PRR11: variants seen among roughly 807,000 people sequenced by gnomAD.
PRR11 encodes the protein proline-rich protein 11.
In PRR11, 30 loss-of-function variants were observed where a neutral mutation model predicts 45.6. The observed-to-expected ratio is 0.66, with a 90% confidence interval of 0.49 to 0.89. PRR11 has a LOEUF of 0.89. PRR11 is among the 40% of genes least tolerant of loss of function. The probability of loss-of-function intolerance (pLI) is 0.00; values close to 1 mark genes in which losing one functional copy is unlikely to be tolerated. For missense variants in PRR11, 373 were observed against 424.8 expected, an observed-to-expected ratio of 0.88 and a Z score of 1.07; for synonymous variants, 128 against 153.5, an observed-to-expected ratio of 0.83 and a Z score of 1.23.
intron 1 of PRR11, among the ~76,000 whole-genome samples, chr17:59,157,439 C>G (rs905023170): frequency 6.6e-6 from 1 of 152,222 alleles, no homozygotes; most frequent in Non-Finnish European, 1.5e-5. Context: ...TGGTGCCTCA[C>G]ACCTGTAATC....
At chr17:59,187,323 C>T (rs2046818953) in intron 4 of PRR11, among the ~76,000 whole-genome samples, 1 of 152,100 alleles carries the variant, frequency 6.6e-6, no homozygotes, top group Admixed American at 6.5e-5. Context: ...CCTGTAATCC[C>T]ACCACTTTGG....
At chr17:59,159,888 A>G (rs1262378002) in intron 1 of PRR11, among the ~76,000 whole-genome samples, 2 of 152,194 alleles carry the variant, frequency 1.3e-5, no homozygotes, top group East Asian at 3.8e-4. Context: ...TTATTTCTCC[A>G]TTAATATCAT....
At chr17:59,191,370 C>G (rs1375740896) in intron 4 of PRR11, among the ~76,000 whole-genome samples, 2 of 151,964 alleles carry the variant, frequency 1.3e-5, no homozygotes, top group African/African-American at 4.8e-5. Flanking sequence ...AGGTGCCCAC[C>G]ACCACGCCTC....
chr17:59,184,850 GTTTTTTT>G (rs5821252), intron 2 of PRR11, among the ~76,000 whole-genome samples, 197 bp from the exon 3 acceptor site: 1 of 72,706 alleles, frequency 1.4e-5, no homozygotes, highest in East Asian at 4.1e-4. Context: ...GCCTGATTAA[GTTTTTTT>G]TTTTTTTTTT....
Position 59,166,206 on chromosome 17 carries a change from G to A in PRR11, c.-5-3542G>A, listed in dbSNP as rs544181998. On this transcript the variant is annotated intron_variant, in intron 1 of 9. Transcript: ENST00000262293. ...AGTGCTGCATACCAAGTGCTGAAAG[G>A]TTACTGAGTGAACAAAAGTGGAATG... Among the ~76,000 whole-genome samples, 20 of 152,276 alleles carry A rather than the reference G, an allele frequency of 1.3e-4. No individual in the cohort carries two copies. In the South Asian group the frequency reaches 3.3e-3, roughly 25 times the overall value.
intron 1 of PRR11, among the ~76,000 whole-genome samples, chr17:59,157,702 C>A (rs76971118): frequency 1.3e-5 from 2 of 150,866 alleles, no homozygotes; most frequent in South Asian, 4.2e-4. Context: ...ACTCTGTCCA[C>A]CCCCCCAAAA....
intron 9 of PRR11, among the ~76,000 whole-genome samples, chr17:59,201,256 C>T (rs1000609564): frequency 3.3e-5 from 5 of 152,216 alleles, no homozygotes; most frequent in Non-Finnish European, 4.4e-5. Flanking sequence ...CATATAATCA[C>T]TGTTCTTCCA....
intron 1 of PRR11, among the ~76,000 whole-genome samples, chr17:59,163,071 T>C (rs141648244): frequency 4.1e-4 from 62 of 151,612 alleles, no homozygotes; most frequent in African/African-American, 1.4e-3. Flanking sequence ...TCATCATTTT[T>C]GGTTAAATAA....
At chr17:59,197,074 C>T (rs998697765) in intron 7 of PRR11, among the ~76,000 whole-genome samples, 3 of 151,416 alleles carry the variant, frequency 2.0e-5, no homozygotes, top group African/African-American at 7.3e-5. Context: ...GTCATGAACT[C>T]CTGACCTCGT....
intron 7 of PRR11, 70 bp from the exon 8 acceptor site, chr17:59,197,474 A>G: frequency 7.3e-7 from 1 of 1,364,484 alleles, no homozygotes; most frequent in Non-Finnish European, 1.0e-6. Flanking sequence ...GATGGTCTTG[A>G]TCTCCTGACC....
intron 3 of PRR11, 28 bp from the exon 4 acceptor site, chr17:59,185,412 A>T: frequency 6.3e-7 from 1 of 1,586,448 alleles, no homozygotes; most frequent in East Asian, 2.2e-5. Flanking sequence ...TACTCATAGG[A>T]CTCAGAATTG....
chr17:59,179,460 A>G (rs532398446), intron 2 of PRR11, among the ~76,000 whole-genome samples: 5 of 152,196 alleles, frequency 3.3e-5, no homozygotes, highest in African/African-American at 1.2e-4. Context: ...TCTTATCCCA[A>G]TTGCCAACCT....
Position 59,169,803 on chromosome 17 carries a change from A to G in PRR11, c.51A>G (p.Arg17=), listed in dbSNP as rs1463497331. The change falls in exon 2 of 10, where the codon AGA becomes AGG. Residue 17 remains arginine, a synonymous_variant. Coordinates refer to ENST00000262293, the MANE Select transcript of PRR11 (RefSeq NM_018304.4). ...GAAAGCTAAAAGCCAAAGCCGAAAG[A>G]TTATTCAAAAAAAAAGAAGCCTCTC... is the stretch of plus-strand genomic sequence containing the variant. The part of the protein sequence containing the change: ...RRRKLKAKAE[R]LFKKKEASHF... 1 of 1,611,840 alleles carries G rather than the reference A, an allele frequency of 6.2e-7. No individual in the cohort carries two copies. The highest frequency in any genetic ancestry group is 8.5e-7 in the Non-Finnish European group (1 of 1,179,424).
chr17:59,172,219 A>G (rs2046712809), intron 2 of PRR11, among the ~76,000 whole-genome samples: 1 of 152,196 alleles, frequency 6.6e-6, no homozygotes. Context: ...CCAAGTCCAT[A>G]GGAAAGAGGA....
In PRR11 at chr17:59,178,179, C is replaced by G. The variant is rs139409962; in HGVS notation, c.129-6875C>G. On this transcript the variant is annotated intron_variant, in intron 2 of 9. Transcript: ENST00000262293. ...CAAAACCCCATCTCTACTAAAAACA[C>G]AAAAATTAGCCAGCCATGGTGGTGC... Among the ~76,000 whole-genome samples the G allele has an allele frequency of 9.9e-3, 1,511 of 152,072 alleles. 20 individuals carry two copies. Among genetic ancestry groups the G allele is most frequent in the South Asian group, 0.027 (129 of 4,806 alleles).
intron 1 of PRR11, chr17:59,160,800 C>T (rs1194435351): frequency 6.6e-6 from 1 of 152,106 alleles, no homozygotes; most frequent in African/African-American, 2.4e-5. Context: ...GTGGCGCAGT[C>T]ATGGGTCACT....
intron 1 of PRR11, among the ~76,000 whole-genome samples, chr17:59,169,419 A>G (rs2046696307): frequency 6.6e-6 from 1 of 152,084 alleles, no homozygotes; most frequent in South Asian, 2.1e-4. Flanking sequence ...TTAATAACTG[A>G]CTATAACCCA....
At position 59,203,052 on chromosome 17, in the gene PRR11, T is replaced by G. The variant is rs982185683; in HGVS notation, c.*1421T>G. 1.3e-5 allele frequency among the ~76,000 whole-genome samples: 2 copies of G among 151,840 alleles called. No individual in the cohort carries two copies. The highest frequency in any genetic ancestry group is 2.9e-5 in the Non-Finnish European group (2 of 67,984). On this transcript the variant is annotated 3_prime_UTR_variant, in exon 10 of 10. Transcript: ENST00000262293. ...TCATCTCTAAAAAGTAAAAAGCAAC[T>G]CCCCAGAAAGACTGTATTTCTACAG...
chr17:59,161,970 A>G (rs2046654725), intron 1 of PRR11, among the ~76,000 whole-genome samples: 1 of 152,218 alleles, frequency 6.6e-6, no homozygotes, highest in African/African-American at 2.4e-5. Context: ...TTAATTAAGT[A>G]ATGATACTAA....
Sources: allele counts gnomAD v4.1 joint callset (sites outside exome capture counted in the v4.1 genomes callset), GRCh38; gene constraint gnomAD v4.1.1; transcripts MANE v1.5; gene names NCBI Gene and HGNC (gene_info 2026-07-23, HGNC 2026-07-21).